Variants in RGS7 observed in about 807,000 individuals in gnomAD.
The protein encoded by RGS7 is regulator of G-protein signaling 7.
RGS7 carries 27 observed loss-of-function variants against 81.1 expected under a neutral mutation model. The observed-to-expected ratio is 0.33, with a 90% CI of 0.25 to 0.46. The LOEUF is 0.46. Ranked by LOEUF, RGS7 falls within the 20% of genes least tolerant of loss-of-function variation. The pLI is 1.00. For synonymous variants in RGS7, 208 were observed against 207.7 expected (o/e 1.00, Z -0.01); for missense variants, 396 against 607.4 (o/e 0.65, Z 3.66).
intron 4 of RGS7, among the ~76,000 whole-genome samples, chr1:240,955,458 A>C (rs1680219088): frequency 6.6e-6 from 1 of 151,312 alleles, no homozygotes; most frequent in Admixed American, 6.6e-5. Context: ...AGTCTGTGGC[A>C]GGAGAATGGC....
chr1:241,077,149 G>C (rs184865867), intron 3 of RGS7, among the ~76,000 whole-genome samples: 5 of 152,200 alleles, frequency 3.3e-5, no homozygotes, highest in African/African-American at 1.2e-4. Context: ...GTAAGAAAAG[G>C]GTTCATGATA....
chr1:241,136,223 T>G (rs1300675478), intron 2 of RGS7, among the ~76,000 whole-genome samples: 1 of 152,166 alleles, frequency 6.6e-6, no homozygotes, highest in Non-Finnish European at 1.5e-5. Context: ...ATAGACAGTC[T>G]GCAGTGTCAG....
intron 2 of RGS7, among the ~76,000 whole-genome samples, chr1:241,268,872 C>T (rs1465018380): frequency 2.0e-5 from 3 of 152,162 alleles, no homozygotes; most frequent in Non-Finnish European, 4.4e-5. Flanking sequence ...CACCTCTTCA[C>T]TATTGACCTT....
At chr1:240,924,131 C>T (rs145339394) in intron 6 of RGS7, among the ~76,000 whole-genome samples, 112 of 152,166 alleles carry the variant, frequency 7.4e-4, no homozygotes, top group African/African-American at 2.5e-3. Flanking sequence ...AAAATCTGTC[C>T]CTGAAGGAAA....
intron 3 of RGS7, chr1:240,998,436 T>G (rs1687625596): frequency 2.7e-6 from 2 of 744,420 alleles, no homozygotes; most frequent in African/African-American, 3.5e-5. Flanking sequence ...GAACACATTA[T>G]AAAAGAGGTT....
At chr1:240,964,428 G>T (rs1213228799) in intron 4 of RGS7, among the ~76,000 whole-genome samples, 2 of 152,128 alleles carry the variant, frequency 1.3e-5, no homozygotes, top group Non-Finnish European at 2.9e-5. Flanking sequence ...CAGAATTTCA[G>T]ATAGACACGG....
At chr1:240,833,831 A>G (rs1034590411) in intron 9 of RGS7, among the ~76,000 whole-genome samples, 4 of 151,978 alleles carry the variant, frequency 2.6e-5, no homozygotes. Context: ...CCCAGGCTGG[A>G]ATGCAGTGGT....
intron 2 of RGS7, among the ~76,000 whole-genome samples, chr1:241,258,248 T>G (rs2077140686): frequency 6.6e-6 from 1 of 152,070 alleles, no homozygotes; most frequent in Non-Finnish European, 1.5e-5. Context: ...CCATTTCCCC[T>G]GGGGAAATGA....
At chr1:241,000,144 G>A (rs1349518413) in intron 3 of RGS7, among the ~76,000 whole-genome samples, 1 of 152,160 alleles carries the variant, frequency 6.6e-6, no homozygotes, top group Non-Finnish European at 1.5e-5. Flanking sequence ...GAGAAGTGGG[G>A]TGTTATTACT....
chr1:240,920,262 G>A, intron 6 of RGS7: 4 of 1,280,460 alleles, frequency 3.1e-6, no homozygotes, highest in Non-Finnish European at 4.5e-6. Flanking sequence ...CTTTGGTGGT[G>A]ATCGTGGTGG....
intron 3 of RGS7, among the ~76,000 whole-genome samples, chr1:240,994,378 C>T (rs141503077): frequency 2.0e-5 from 3 of 152,282 alleles, no homozygotes; most frequent in Non-Finnish European, 4.4e-5. Context: ...TTTCAGCATA[C>T]AAGTCCTGAA....
intron 3 of RGS7, chr1:240,998,529 GAGC>G (rs1312605759): frequency 4.7e-5 from 45 of 956,120 alleles, no homozygotes; most frequent in African/African-American, 6.5e-5. Flanking sequence ...TCCTCAGCTG[GAGC>G]AGCAGCAGCA....
At chr1:241,048,318 C>T (rs1393316574) in intron 3 of RGS7, among the ~76,000 whole-genome samples, 1 of 152,104 alleles carries the variant, frequency 6.6e-6, no homozygotes, top group African/African-American at 2.4e-5. Context: ...AATACCAAAT[C>T]TTATACCCTC....
rs374612174 is a variant in RGS7, at chr1:240,897,623, G to T, written c.386-27504C>A. On this transcript the variant is annotated intron_variant, in intron 6 of 18. Coordinates refer to ENST00000440928, the MANE Select transcript of RGS7 (RefSeq NM_001364886.1). ...ATGTTGAACCAGCCTTGCATCCCAG[G>T]GATAAAGCCAACTTGACCATGGTGG... is the stretch of plus-strand genomic sequence containing the variant. 2.6e-5 allele frequency among the ~76,000 whole-genome samples: 4 copies of T among 152,230 alleles called. 1 individual carries two copies. Among genetic ancestry groups the T allele is most frequent in the African/African-American group, 9.6e-5 (4 of 41,534 alleles).
chr1:240,950,431 T>C (rs1679369212), intron 4 of RGS7, among the ~76,000 whole-genome samples: 1 of 152,156 alleles, frequency 6.6e-6, no homozygotes, highest in African/African-American at 2.4e-5. Context: ...CCCTCTAGAC[T>C]TTGTCTCTCA....
rs1035078031 is a variant in RGS7, at chr1:241,040,769, C to T, written c.176-57640G>A. On this transcript the variant is annotated intron_variant, in intron 3 of 18. Transcript: ENST00000440928. ...CCTCCCAAGGTGCTGGGATTACAGG[C>T]GGGAGCCACTGCACCCAGGCTTCTT... Among the ~76,000 whole-genome samples, 12 of 152,226 alleles carry T rather than the reference C, an allele frequency of 7.9e-5. 2 individuals carry two copies. The South Asian group carries it at 1.5e-3, about 18-fold the overall frequency.
intron 3 of RGS7, among the ~76,000 whole-genome samples, chr1:240,996,588 T>C (rs1687323997): frequency 1.3e-5 from 2 of 152,204 alleles, no homozygotes; most frequent in Non-Finnish European, 2.9e-5. Flanking sequence ...TGTGGTGACG[T>C]CTGCTTCATA....
intron 2 of RGS7, among the ~76,000 whole-genome samples, chr1:241,113,131 T>C (rs1162020618): frequency 1.3e-5 from 2 of 152,218 alleles, no homozygotes; most frequent in Non-Finnish European, 2.9e-5. Flanking sequence ...GTCCAATAAC[T>C]GGCTCTTTTA....
rs1400968579 is a variant in RGS7, at chr1:240,944,228, G to C, written c.227-7522C>G. Among the ~76,000 whole-genome samples the C allele has an allele frequency of 3.5e-5, 5 of 142,130 alleles. No homozygotes were observed. In the East Asian group the frequency reaches 8.4e-4, roughly 24 times the overall value. 93.2% of individuals were successfully genotyped at this position (142,130 alleles called of 152,430 possible). ...CAGATTTAGATAGGTAGTTCCATCA[G>C]CCAATCCTTTAACAAGATTCTGTTA... is the stretch of plus-strand genomic sequence containing the variant. On this transcript the variant is annotated intron_variant, in intron 4 of 18. Coordinates refer to ENST00000440928, the MANE Select transcript of RGS7 (RefSeq NM_001364886.1).
Sources: gnomAD v4.1 joint callset for allele counts (sites outside exome capture counted in the v4.1 genomes callset) on GRCh38, gnomAD v4.1.1 for gene constraint, MANE v1.5 for transcripts, NCBI Gene and HGNC (gene_info 2026-07-23, HGNC 2026-07-21) for gene names.